The following CYP39A1 variants were observed in gnomAD, a reference collection of about 807,000 sequenced individuals.
The protein encoded by CYP39A1 is 24-hydroxycholesterol 7-alpha-hydroxylase.
A neutral mutation model predicts 58.1 loss-of-function variants in CYP39A1; 49 were observed. The observed-to-expected ratio is 0.84, with a 90% CI of 0.67 to 1.07. CYP39A1 has a LOEUF of 1.07. CYP39A1 is among the 50% of genes least tolerant of loss of function. The probability of loss-of-function intolerance (pLI) is 0.00; values close to 1 mark genes in which losing one functional copy is unlikely to be tolerated. For missense variants in CYP39A1, 531 were observed against 539.4 expected (o/e 0.98, Z 0.16); for synonymous variants, 209 against 187.6 (o/e 1.11, Z -0.93).
chr6:46,569,289 T>C (rs570435053), intron 10 of CYP39A1, among the ~76,000 whole-genome samples: 1 of 152,194 alleles, frequency 6.6e-6, no homozygotes, highest in Non-Finnish European at 1.5e-5. Context: ...GGGCAGTGGA[T>C]TGTACATATA....
In CYP39A1 at chr6:46,625,451, T is replaced by A; in HGVS notation, c.898A>T (p.Met300Leu). ...CCAAACACAGAAGATATGCCTTCCA[T>A]AATGGCCTTGTGGATATCAGGATGA... ...LSHPDIHKAI[M>L]EGISSVFGKA... Residue 300 changes from methionine to leucine, a missense_variant, in exon 7 of 12, where the codon ATG (methionine) becomes TTG (leucine). Transcript: ENST00000275016. 1 of 1,611,186 alleles carries A rather than the reference T, an allele frequency of 6.2e-7. No homozygotes were observed. Among genetic ancestry groups the A allele is most frequent in the South Asian group, 1.1e-5 (1 of 90,534 alleles).
At chr6:46,577,184 T>C (rs1327174193) in intron 10 of CYP39A1, among the ~76,000 whole-genome samples, 1 of 152,114 alleles carries the variant, frequency 6.6e-6, no homozygotes, top group Admixed American at 6.5e-5. Context: ...AAAACTAAGA[T>C]TCATAAGCAA....
intron 2 of CYP39A1, 119 bp from the exon 3 acceptor site, chr6:46,639,787 G>A (rs1348584193): frequency 1.4e-6 from 1 of 729,216 alleles, no homozygotes; most frequent in African/African-American, 1.8e-5. Flanking sequence ...CAGTACATAA[G>A]GTCACCTCCC....
At chr6:46,623,196 C>T (rs1429150116) in intron 7 of CYP39A1, among the ~76,000 whole-genome samples, 1 of 151,996 alleles carries the variant, frequency 6.6e-6, no homozygotes, top group Non-Finnish European at 1.5e-5. Context: ...TCGGGGGTGC[C>T]CAGATATTTG....
chr6:46,587,270 A>G (rs1772526670), intron 9 of CYP39A1, 105 bp from the exon 10 acceptor site: 3 of 761,182 alleles, frequency 3.9e-6, no homozygotes, highest in Non-Finnish European at 4.6e-6. Context: ...CCTTGCATAT[A>G]AAGTTGCAGG....
intron 10 of CYP39A1, among the ~76,000 whole-genome samples, chr6:46,566,095 T>G (rs536650511): frequency 6.6e-6 from 1 of 152,240 alleles, no homozygotes; most frequent in Admixed American, 6.5e-5. Flanking sequence ...TGTTTTCTGT[T>G]TCATTAGGAA....
intron 1 of CYP39A1, among the ~76,000 whole-genome samples, chr6:46,651,153 G>A (rs1260846220): frequency 6.6e-6 from 1 of 152,194 alleles, no homozygotes; most frequent in Non-Finnish European, 1.5e-5. Context: ...CTTTGACTCA[G>A]CAATTCTACT....
chr6:46,604,475 A>T (rs1182541358), intron 7 of CYP39A1, among the ~76,000 whole-genome samples: 2 of 152,248 alleles, frequency 1.3e-5, no homozygotes, highest in South Asian at 4.1e-4. Context: ...CACAGGAAAG[A>T]AATACCAAAA....
At position 46,617,292 on chromosome 6, in the gene CYP39A1, T is replaced by C. The variant is rs577167163; in HGVS notation, c.931+8126A>G. ...TATATGTAAAGTTTTATAACTATAT[T>C]AGAATTAAATCATATTCAGTGTTAT... On this transcript the variant is annotated intron_variant, in intron 7 of 11. Transcript: ENST00000275016. 5.3e-5 allele frequency among the ~76,000 whole-genome samples: 8 copies of C among 152,316 alleles called. No homozygotes were observed. In the South Asian group the frequency reaches 1.7e-3, roughly 32 times the overall value.
At chr6:46,647,676 G>A (rs960926165) in intron 1 of CYP39A1, among the ~76,000 whole-genome samples, 7 of 151,988 alleles carry the variant, frequency 4.6e-5, no homozygotes, top group African/African-American at 1.5e-4. Flanking sequence ...GCAAAATATC[G>A]AACTTCAGCC....
intron 8 of CYP39A1, among the ~76,000 whole-genome samples, chr6:46,589,446 C>G (rs1040101810): frequency 1.3e-5 from 2 of 152,028 alleles, no homozygotes; most frequent in African/African-American, 4.8e-5. Context: ...GAGTGACATT[C>G]TGTCTCGAAG....
chr6:46,641,166 A>G lies in CYP39A1; in HGVS notation c.313+997T>C, dbSNP rs551538390. Among the ~76,000 whole-genome samples, 6 of 152,240 alleles carry G rather than the reference A, an allele frequency of 3.9e-5. 1 individual carries two copies. In the South Asian group the frequency reaches 1.0e-3, roughly 26 times the overall value. On this transcript the variant is annotated intron_variant, in intron 2 of 11. Transcript: ENST00000275016. ...AGGAGGCTCAGGTGAAAAAAACTCAATCATTTCCATACACCTCTGATAGGT... is the reference window on the plus strand; with the variant it reads ...AGGAGGCTCAGGTGAAAAAAACTCAGTCATTTCCATACACCTCTGATAGGT...
At chr6:46,609,722 G>A (rs773624737) in intron 7 of CYP39A1, among the ~76,000 whole-genome samples, 3 of 152,124 alleles carry the variant, frequency 2.0e-5, no homozygotes, top group Non-Finnish European at 4.4e-5. Context: ...CAAGCAACTT[G>A]TAAGCTTACT....
At chr6:46,607,383 G>C (rs1340308417) in intron 7 of CYP39A1, among the ~76,000 whole-genome samples, 1 of 150,072 alleles carries the variant, frequency 6.7e-6, no homozygotes, top group African/African-American at 2.5e-5. Flanking sequence ...AAAAGAACAT[G>C]AGTCAAATAG....
intron 7 of CYP39A1, among the ~76,000 whole-genome samples, chr6:46,602,923 T>G (rs57638550): frequency 1.4e-4 from 17 of 122,602 alleles, no homozygotes; most frequent in South Asian, 3.0e-4. Flanking sequence ...AAATATAAAA[T>G]GGGGGGGGGG....
At chr6:46,637,286 G>A (rs1228784906) in intron 4 of CYP39A1, among the ~76,000 whole-genome samples, 1 of 152,172 alleles carries the variant, frequency 6.6e-6, no homozygotes, top group African/African-American at 2.4e-5. Context: ...ATAAATTTCT[G>A]TTGTTTATAA....
chr6:46,652,504 G>A lies in CYP39A1; in HGVS notation c.79C>T (p.Arg27Cys), dbSNP rs1263924499. The change falls in exon 1 of 12, where the codon CGT (arginine) becomes TGT (cysteine). Residue 27 changes from arginine (R) to cysteine (C), a missense_variant. Physicochemically the swap from Arg to Cys is radical, Grantham distance 180. Coordinates refer to ENST00000275016, the MANE Select transcript of CYP39A1 (RefSeq NM_016593.5). ...CAGCCCTTGATGCACGGGGGTCTAC[G>A]CAAATTCTTCCGCTGAAGGAGTAAG... ...LFLLLQRKNL[R>C]RPPCIKGWIP... 20 of 1,613,776 alleles carry A rather than the reference G, an allele frequency of 1.2e-5. 2 individuals carry two copies. The Admixed American group carries it at 3.2e-4, about 26-fold the overall frequency.
chr6:46,588,481 C>A (rs1440521845), intron 8 of CYP39A1, among the ~76,000 whole-genome samples: 1 of 151,800 alleles, frequency 6.6e-6, no homozygotes, highest in Non-Finnish European at 1.5e-5. Flanking sequence ...TCTAATGTAC[C>A]TTTTGATGTT....
rs145932501 is a variant in CYP39A1 at position 46,649,490 on chromosome 6, T to C, written c.177+2916A>G. Among the ~76,000 whole-genome samples, 419 of 152,318 alleles carry C rather than the reference T, an allele frequency of 2.8e-3. 3 individuals carry two copies. Among genetic ancestry groups the C allele is most frequent in the African/African-American group, 9.4e-3 (392 of 41,578 alleles). ...AATCTGACTACCATATGTCTATCGA[T>C]GAGGAAACTTATTAAATAAATGTAG... On this transcript the variant is annotated intron_variant, in intron 1 of 11. Transcript: ENST00000275016.
Sources: allele counts gnomAD v4.1 joint callset (sites outside exome capture counted in the v4.1 genomes callset), GRCh38; gene constraint gnomAD v4.1.1; transcripts MANE v1.5; gene names NCBI Gene and HGNC (gene_info 2026-07-23, HGNC 2026-07-21).